Variants in PPARD observed in about 807,000 individuals in gnomAD.
PPARD encodes peroxisome proliferator-activated receptor delta.
A neutral mutation model predicts 39.5 loss-of-function variants in PPARD; 6 were observed. That is an observed-to-expected ratio of 0.15 (90% CI 0.08 to 0.30). The LOEUF is 0.30. PPARD is among the 10% of genes least tolerant of loss of function. The probability of loss-of-function intolerance (pLI) is 1.00; values close to 1 mark genes in which losing one functional copy is unlikely to be tolerated. For missense variants in PPARD, 397 were observed against 596.8 expected (o/e 0.67, Z 3.49); for synonymous variants, 210 against 231.3 (o/e 0.91, Z 0.83).
At chr6:35,364,110 C>A (rs913673968) in intron 2 of PPARD, among the ~76,000 whole-genome samples, 2 of 152,136 alleles carry the variant, frequency 1.3e-5, no homozygotes, top group African/African-American at 4.8e-5. Flanking sequence ...TTCTCTATGG[C>A]TTTCCCTATC....
chr6:35,384,175 C>T (rs1243477747), intron 2 of PPARD, among the ~76,000 whole-genome samples: 24 of 133,998 alleles, frequency 1.8e-4, no homozygotes, highest in African/African-American at 5.5e-4. Context: ...AAGTGAGGAG[C>T]CCCTCTGCCC....
chr6:35,378,932 A>G (rs541475135), intron 2 of PPARD, among the ~76,000 whole-genome samples: 3 of 152,256 alleles, frequency 2.0e-5, no homozygotes, highest in South Asian at 2.1e-4. Flanking sequence ...AGAGAAGGCA[A>G]TCGAACCTTT....
intron 2 of PPARD, 138 bp from the exon 3 acceptor site, chr6:35,410,849 A>G (rs922042703): frequency 1.1e-5 from 12 of 1,077,982 alleles, no homozygotes; most frequent in Non-Finnish European, 1.4e-5. Flanking sequence ...ACCATGGTAT[A>G]GCACTGCAGG....
Position 35,397,965 on chromosome 6 carries a change from C to G in PPARD, c.-101-13022C>G, listed in dbSNP as rs577598838. 5.9e-5 allele frequency among the ~76,000 whole-genome samples: 9 copies of G among 152,184 alleles called. No homozygotes were observed. In the South Asian group the frequency reaches 1.2e-3, roughly 21 times the overall value. On this transcript the variant is annotated intron_variant, in intron 2 of 7. Transcript: ENST00000360694. ...AAGAACTTTAGCTAGAGAGAAAAGC[C>G]GCTGCAAAGGCCCACTGAAGGCAGG...
chr6:35,397,797 A>C (rs1294943369), intron 2 of PPARD, among the ~76,000 whole-genome samples: 1 of 152,202 alleles, frequency 6.6e-6, no homozygotes, highest in African/African-American at 2.4e-5. Context: ...GAAGCAGGGA[A>C]GGGAGATGGA....
At chr6:35,362,419 T>A (rs569382879) in intron 2 of PPARD, among the ~76,000 whole-genome samples, 2 of 151,066 alleles carry the variant, frequency 1.3e-5, no homozygotes, top group African/African-American at 4.9e-5. Context: ...CAGCGCCCCA[T>A]CTGCTCTGCC....
intron 2 of PPARD, chr6:35,397,463 A>G: frequency 1.1e-6 from 1 of 890,180 alleles, no homozygotes; most frequent in Non-Finnish European, 1.3e-6. Flanking sequence ...ATTTCTACCA[A>G]TTTATGCTCA....
chr6:35,356,501 C>G (rs1406284863), intron 2 of PPARD, among the ~76,000 whole-genome samples: 2 of 152,252 alleles, frequency 1.3e-5, no homozygotes, highest in Non-Finnish European at 2.9e-5. Flanking sequence ...CCTAAAACAT[C>G]TCCATGCTCA....
chr6:35,424,529 C>T lies in PPARD; in HGVS notation c.828C>T (p.Asn276=), dbSNP rs751619761. Reference sequence around the variant, plus strand: ...CCAGCTTCAGCAGCCTCTTCCTCAACGACCAGGTTACCCTTCTCAAGTATG... The same window carrying T: ...CCAGCTTCAGCAGCCTCTTCCTCAATGACCAGGTTACCCTTCTCAAGTATG... The part of the protein sequence containing the change: ...SIPSFSSLFL[N]DQVTLLKYGV... The change falls in exon 7 of 8, where the codon AAC becomes AAT. Residue 276 remains asparagine, a synonymous_variant. Coordinates refer to ENST00000360694, the MANE Select transcript of PPARD (RefSeq NM_006238.5). The surrounding 1 kb of genome is among the most constrained non-coding windows in gnomAD (Gnocchi z 7.1). 25 of 1,614,118 alleles carry T rather than the reference C, an allele frequency of 1.5e-5. No homozygotes were observed. The highest frequency in any genetic ancestry group is 4.5e-5 in the East Asian group (2 of 44,902).
At chr6:35,409,581 C>T (rs1172340582) in intron 2 of PPARD, among the ~76,000 whole-genome samples, 1 of 151,218 alleles carries the variant, frequency 6.6e-6, no homozygotes, top group African/African-American at 2.4e-5. Context: ...ATTTTAGGTT[C>T]AGGGTACAGA....
At chr6:35,343,594 CAGAT>C (rs1791990574) in intron 1 of PPARD, among the ~76,000 whole-genome samples, 1 of 152,208 alleles carries the variant, frequency 6.6e-6, no homozygotes. Context: ...AAGGAAATAA[CAGAT>C]TGTGTGGGAG....
At chr6:35,403,577 A>T (rs1487756707) in intron 2 of PPARD, among the ~76,000 whole-genome samples, 2 of 152,170 alleles carry the variant, frequency 1.3e-5, no homozygotes, top group African/African-American at 2.4e-5. Context: ...TATGTTGAGG[A>T]CCCACTAAAT....
chr6:35,352,297 C>T (rs901712310), intron 2 of PPARD, among the ~76,000 whole-genome samples: 2 of 151,796 alleles, frequency 1.3e-5, no homozygotes, highest in Non-Finnish European at 2.9e-5. Context: ...GATTCTTCTG[C>T]CTCAGCCTCC....
intron 3 of PPARD, among the ~76,000 whole-genome samples, chr6:35,419,207 G>A (rs140043463): frequency 1.2e-3 from 176 of 152,238 alleles, no homozygotes; most frequent in Non-Finnish European, 2.0e-3. Context: ...GAGGTTGGAC[G>A]GTCATCATGG....
intron 4 of PPARD, among the ~76,000 whole-genome samples, chr6:35,421,314 T>C (rs972636703): frequency 2.6e-5 from 2 of 76,570 alleles, no homozygotes; most frequent in Admixed American, 1.4e-4. Flanking sequence ...GTTGTGTTTT[T>C]TTTTTGTTTT....
chr6:35,344,382 AG>A (rs1792046833), intron 1 of PPARD, among the ~76,000 whole-genome samples: 1 of 151,864 alleles, frequency 6.6e-6, no homozygotes, highest in Non-Finnish European at 1.5e-5. Context: ...CAGGAACTTG[AG>A]CAGACACATC....
intron 2 of PPARD, among the ~76,000 whole-genome samples, chr6:35,359,934 A>G (rs947094554): frequency 6.6e-6 from 1 of 152,162 alleles, no homozygotes; most frequent in Non-Finnish European, 1.5e-5. Flanking sequence ...ATCACTACAT[A>G]GCAGGGCCTT....
At chr6:35,375,974 T>A (rs1219598438) in intron 2 of PPARD, among the ~76,000 whole-genome samples, 1 of 152,256 alleles carries the variant, frequency 6.6e-6, no homozygotes, top group Non-Finnish European at 1.5e-5. Flanking sequence ...CTTATTCAAT[T>A]AATATATTTC....
intron 5 of PPARD, among the ~76,000 whole-genome samples, chr6:35,422,222 G>T (rs2076168): frequency 0.69 from 104,902 of 152,086 alleles, 38,049 homozygotes; most frequent in South Asian, 0.81. Flanking sequence ...TGAGGTTTAC[G>T]CATTCTGGCC....
Sources: gnomAD v4.1 joint callset for allele counts (sites outside exome capture counted in the v4.1 genomes callset) on GRCh38, gnomAD v4.1.1 for gene constraint, Gnocchi (gnomAD v3.1) non-coding constraint, MANE v1.5 for transcripts, NCBI Gene and HGNC (gene_info 2026-07-23, HGNC 2026-07-21) for gene names.